The following AGXT2 variants were observed in gnomAD, a reference collection of about 807,000 sequenced individuals.
AGXT2 encodes alanine--glyoxylate aminotransferase 2, also known as alanine--glyoxylate aminotransferase 2, mitochondrial.
A neutral mutation model predicts 62.5 loss-of-function variants in AGXT2; 61 were observed. The observed-to-expected ratio is 0.98, with a 90% CI of 0.79 to 1.21. The LOEUF is 1.21. AGXT2 is among the 50% of genes most tolerant of loss of function. The pLI is 0.00. For missense variants in AGXT2, 666 were observed against 641.5 expected (o/e 1.04, Z -0.41); for synonymous variants, 243 against 218.7 (o/e 1.11, Z -0.98).
chr5:35,046,639 G>T (rs13184057), intron 1 of AGXT2, among the ~76,000 whole-genome samples: 42,364 of 152,074 alleles, frequency 0.28, 6,448 homozygotes, highest in Non-Finnish European at 0.35. Flanking sequence ...TGCATTTAAA[G>T]CATCATGCAT....
intron 11 of AGXT2, among the ~76,000 whole-genome samples, chr5:35,011,480 AT>A (rs1405487025): frequency 1.4e-5 from 2 of 145,228 alleles, no homozygotes; most frequent in East Asian, 4.1e-4. Flanking sequence ...AAAAAAAAAA[AT>A]TGGCAATGTC....
chr5:35,044,200 G>A (rs937880208), intron 1 of AGXT2, among the ~76,000 whole-genome samples: 5 of 152,190 alleles, frequency 3.3e-5, no homozygotes, highest in African/African-American at 1.2e-4. Flanking sequence ...TGACGTTTGA[G>A]ACACTGCCTC....
chr5:35,035,095 A>ACT, intron 5 of AGXT2, 127 bp downstream of exon 5: 1 of 861,342 alleles, frequency 1.2e-6, no homozygotes, highest in Non-Finnish European at 1.9e-6. Context: ...CCTTCCTTAA[A>ACT]ACTTAACAAC....
chr5:35,017,042 T>A (rs1227258899), intron 9 of AGXT2, among the ~76,000 whole-genome samples: 1 of 152,188 alleles, frequency 6.6e-6, no homozygotes, highest in Non-Finnish European at 1.5e-5. Context: ...AGATTCCACA[T>A]TTTAAAGAAA....
rs376808491 is a variant in AGXT2, at chr5:35,013,060, T to C, written c.1097-15A>G. On this transcript the variant is annotated splice_polypyrimidine_tract_variant and intron_variant, in intron 10 of 13. Coordinates refer to ENST00000231420, the MANE Select transcript of AGXT2 (RefSeq NM_031900.4). ...TTTGGCAATCTCTAGAGGGAGAAAA[T>C]AGAAGGTGTGGAAAGAGGGACACAT... is the stretch of plus-strand genomic sequence containing the variant. 46 of 1,550,266 alleles carry C rather than the reference T, an allele frequency of 3.0e-5. 1 individual carries two copies. The African/African-American group carries it at 4.9e-4, about 17-fold the overall frequency.
rs765425108 is a variant in AGXT2 at position 35,003,801 on chromosome 5, T to G, written c.1399A>C (p.Met467Leu). Residue 467 changes from methionine to leucine, a missense_variant, in exon 13 of 14, where the codon ATG (methionine) becomes CTG (leucine). Coordinates refer to ENST00000231420, the MANE Select transcript of AGXT2 (RefSeq NM_031900.4). ...CTGCCTCTGCCAACGAGGAGTCCCA[T>G]GTGCTTGCAGTCCTCATGGATCTGA... ...VNQIHEDCKH[M>L]GLLVGRGSIF... 5.0e-6 allele frequency: 8 copies of G among 1,614,108 alleles called. No homozygotes were observed. The highest frequency in any genetic ancestry group is 6.8e-6 in the Non-Finnish European group (8 of 1,180,044).
intron 2 of AGXT2, among the ~76,000 whole-genome samples, chr5:35,040,067 G>GAGAGAGAGAGAGAGAGGGAGAA (rs1767927425): frequency 6.6e-6 from 1 of 150,814 alleles, no homozygotes; most frequent in Non-Finnish European, 1.5e-5. Flanking sequence ...GCATAACAGA[G>GAGAGAGAGAGAGAGAGGGAGAA]AGAGAGAGAG....
chr5:35,003,148 G>C (rs1766295367), intron 13 of AGXT2, among the ~76,000 whole-genome samples: 1 of 152,210 alleles, frequency 6.6e-6, no homozygotes, highest in Non-Finnish European at 1.5e-5. Flanking sequence ...GCTTTTCAAG[G>C]AAGGGAGTGG....
intron 4 of AGXT2, 150 bp downstream of exon 4, chr5:35,036,792 G>A: frequency 9.1e-7 from 1 of 1,097,572 alleles, no homozygotes; most frequent in Non-Finnish European, 1.4e-6. Flanking sequence ...CACTACAGAT[G>A]TTCAGTGCAC....
At position 35,028,900 on chromosome 5, in the gene AGXT2, G is replaced by A. The variant is rs112438518; in HGVS notation, c.770-2390C>T. 3.5e-3 allele frequency among the ~76,000 whole-genome samples: 529 copies of A among 152,282 alleles called. 3 individuals are homozygous for A. The highest frequency in any genetic ancestry group is 0.012 in the African/African-American group (503 of 41,558). ...GCATGGATGCAGTGCTGTCTCCACGGTGCTAGACAGAAGGAACAGAAACCT... is the reference window on the plus strand; with the variant it reads ...GCATGGATGCAGTGCTGTCTCCACGATGCTAGACAGAAGGAACAGAAACCT... On this transcript the variant is annotated intron_variant, in intron 7 of 13. Coordinates refer to ENST00000231420, the MANE Select transcript of AGXT2 (RefSeq NM_031900.4).
intron 10 of AGXT2, 62 bp downstream of exon 10, chr5:35,013,925 T>C: frequency 2.5e-6 from 4 of 1,610,896 alleles, no homozygotes; most frequent in Non-Finnish European, 3.4e-6. Context: ...CCAACACACG[T>C]GTTATACCAT....
chr5:35,036,340 C>A (rs1448453576), intron 4 of AGXT2, among the ~76,000 whole-genome samples: 1 of 152,136 alleles, frequency 6.6e-6, no homozygotes, highest in Non-Finnish European at 1.5e-5. Flanking sequence ...GAGCATTGTT[C>A]TAGGTTCTTC....
chr5:35,020,595 T>C (rs1767031506), intron 9 of AGXT2, among the ~76,000 whole-genome samples: 1 of 152,194 alleles, frequency 6.6e-6, no homozygotes, highest in African/African-American at 2.4e-5. Flanking sequence ...GAGGTATCTA[T>C]GACAAACCCA....
chr5:35,008,467 C>T (rs943906057), intron 12 of AGXT2, among the ~76,000 whole-genome samples: 1 of 152,146 alleles, frequency 6.6e-6, no homozygotes, highest in Non-Finnish European at 1.5e-5. Context: ...TTCAGGGAAC[C>T]CCTTGGGTGG....
At chr5:35,002,474 G>C (rs1248169126) in intron 13 of AGXT2, among the ~76,000 whole-genome samples, 1 of 152,190 alleles carries the variant, frequency 6.6e-6, no homozygotes, top group Non-Finnish European at 1.5e-5. Flanking sequence ...CTGGACATTT[G>C]TGCCTCTACC....
At chr5:35,003,090 G>A (rs1262247911) in intron 13 of AGXT2, among the ~76,000 whole-genome samples, 1 of 152,222 alleles carries the variant, frequency 6.6e-6, no homozygotes, top group Admixed American at 6.5e-5. Flanking sequence ...AGCCTCTCGG[G>A]CAGTGTGTGC....
chr5:35,041,111 C>T (rs773008651), intron 1 of AGXT2, among the ~76,000 whole-genome samples: 14 of 149,542 alleles, frequency 9.4e-5, no homozygotes, highest in Non-Finnish European at 1.6e-4. Context: ...ATACACACGG[C>T]ATTAATGACT....
intron 7 of AGXT2, chr5:35,027,078 C>A: frequency 1.1e-6 from 1 of 912,064 alleles, no homozygotes; most frequent in Non-Finnish European, 1.3e-6. Context: ...TGGTCCTGTG[C>A]TTGTTTTTAA....
intron 1 of AGXT2, among the ~76,000 whole-genome samples, chr5:35,043,101 T>C (rs1768049585): frequency 6.6e-6 from 1 of 152,196 alleles, no homozygotes; most frequent in African/African-American, 2.4e-5. Flanking sequence ...TAGCAGACAG[T>C]TCACTGCAAC....
Sources: allele counts gnomAD v4.1 joint callset (sites outside exome capture counted in the v4.1 genomes callset), GRCh38; gene constraint gnomAD v4.1.1; transcripts MANE v1.5; gene names NCBI Gene and HGNC (gene_info 2026-07-23, HGNC 2026-07-21).